Variants in CELF2 observed in about 807,000 individuals in gnomAD.
The protein encoded by CELF2 is CUGBP Elav-like family member 2, also known as CUG triplet repeat RNA-binding protein 2.
A neutral mutation model predicts 62.6 loss-of-function variants in CELF2; 8 were observed. The ratio of observed to expected loss-of-function variants is 0.13; its 90% CI spans 0.07 to 0.23. CELF2 has a LOEUF of 0.23. Among genes scored for constraint, CELF2 ranks in the 10% least tolerant of loss-of-function variants. The pLI is 1.00. For synonymous variants in CELF2, 258 were observed against 250.0 expected, an observed-to-expected ratio of 1.03 and a Z score of -0.30; for missense variants, 333 against 671.0, an observed-to-expected ratio of 0.50 and a Z score of 5.56.
intron 1 of CELF2, among the ~76,000 whole-genome samples, chr10:11,006,172 C>G (rs999844545): frequency 6.6e-6 from 1 of 152,182 alleles, no homozygotes; most frequent in African/African-American, 2.4e-5. Flanking sequence ...GCACTGAATA[C>G]ATCTTTGGGT....
In CELF2 at chr10:11,270,731, C is replaced by G; in HGVS notation, c.684C>G (p.Leu228=). ...DTQKDKEQRR[L]QQQLAQQMQQ... ...AGAAGGACAAAGAGCAAAGGCGCCT[C>G]CAGCAGCAGCTCGCTCAGCAGATGC... The change falls in exon 7 of 13, where the codon CTC becomes CTG. Residue 228 remains leucine, a synonymous_variant. Coordinates refer to ENST00000633077, the MANE Select transcript of CELF2 (RefSeq NM_001326342.2). The surrounding 1 kb of genome is among the most constrained non-coding windows in gnomAD (Gnocchi z 5.8). The G allele has an allele frequency of 6.4e-7, 1 of 1,565,398 alleles. No individual in the cohort carries two copies. Among genetic ancestry groups the G allele is most frequent in the Non-Finnish European group, 8.7e-7 (1 of 1,152,024 alleles).
intron 11 of CELF2, among the ~76,000 whole-genome samples, chr10:11,322,308 C>T (rs1462465351): frequency 1.3e-5 from 2 of 152,116 alleles, no homozygotes; most frequent in Non-Finnish European, 2.9e-5. Context: ...AGTAAGTGAT[C>T]GATTGCCTTG....
intron 1 of CELF2, among the ~76,000 whole-genome samples, chr10:11,136,612 A>C (rs1030703210): frequency 1.3e-5 from 2 of 152,174 alleles, no homozygotes; most frequent in African/African-American, 4.8e-5. Flanking sequence ...CTCAAAAATA[A>C]ATAAATTAAT....
At chr10:10,557,169 C>A in the CELF2 span, among the ~76,000 whole-genome samples, 15 of 135,490 alleles carry the variant, frequency 1.1e-4, no homozygotes, top group South Asian at 2.5e-4. Context: ...GGTTTTAGGT[C>A]TAACGTTTAA....
chr10:10,695,656 G>T, the CELF2 span, among the ~76,000 whole-genome samples: 1 of 152,096 alleles, frequency 6.6e-6, no homozygotes, highest in Non-Finnish European at 1.5e-5. Flanking sequence ...ATCAGACGTA[G>T]ATTTGGTCTT....
chr10:10,631,624 C>A, the CELF2 span, among the ~76,000 whole-genome samples: 1 of 152,130 alleles, frequency 6.6e-6, no homozygotes, highest in African/African-American at 2.4e-5. Context: ...GCTGTTAATT[C>A]CTAAAATGTG....
At chr10:10,525,818 G>T in the CELF2 span, among the ~76,000 whole-genome samples, 1 of 152,122 alleles carries the variant, frequency 6.6e-6, no homozygotes, top group Non-Finnish European at 1.5e-5. Context: ...CATACTGATT[G>T]CATTTTCTTT....
the CELF2 span, among the ~76,000 whole-genome samples, chr10:10,606,215 G>A: frequency 2.6e-5 from 4 of 152,156 alleles, no homozygotes; most frequent in Non-Finnish European, 4.4e-5. Context: ...TGGAATATGT[G>A]CAGCATGAAG....
At chr10:11,109,837 C>A (rs2054647194) in intron 1 of CELF2, among the ~76,000 whole-genome samples, 1 of 152,188 alleles carries the variant, frequency 6.6e-6, no homozygotes, top group African/African-American at 2.4e-5. Flanking sequence ...CTCTCCCCGC[C>A]CCCTGACTTT....
intron 2 of CELF2, among the ~76,000 whole-genome samples, chr10:10,975,090 T>C (rs536173346): frequency 2.0e-5 from 3 of 152,242 alleles, no homozygotes; most frequent in Admixed American, 2.0e-4. Flanking sequence ...ATGCTGTCTC[T>C]CACTTCCTTT....
At chr10:11,257,944 G>A in intron 5 of CELF2, 72 bp downstream of exon 5, 1 of 1,568,818 alleles carries the variant, frequency 6.4e-7, no homozygotes, top group Non-Finnish European at 8.7e-7. Context: ...CGAGACAGAT[G>A]TAGGCACCGC....
At chr10:10,671,730 CT>C in the CELF2 span, among the ~76,000 whole-genome samples, 708 of 142,944 alleles carry the variant, frequency 5.0e-3, no homozygotes, top group Non-Finnish European at 4.9e-3. Flanking sequence ...ATCTGTATGT[CT>C]TTTTTTTTTT....
rs1160459616 is a variant in CELF2 at position 10,878,038 on chromosome 10, C to A, written c.54-41926C>A. On this transcript the variant is annotated intron_variant, in intron 1 of 13. Transcript: ENST00000636488. ...ATAGAAAACAGACCAACGGAGGGGA[C>A]CAGTGGACCTCCCTGCCTCTACCAG... 2.0e-5 allele frequency among the ~76,000 whole-genome samples: 3 copies of A among 152,156 alleles called. No individual in the cohort carries two copies. In the East Asian group the frequency reaches 5.8e-4, roughly 29 times the overall value.
At chr10:10,496,206 G>A in the CELF2 span, among the ~76,000 whole-genome samples, 1 of 152,158 alleles carries the variant, frequency 6.6e-6, no homozygotes, top group Non-Finnish European at 1.5e-5. Context: ...GTACAATCCT[G>A]AACTCTTATA....
At chr10:10,981,613 C>T (rs1044843167) in intron 2 of CELF2, among the ~76,000 whole-genome samples, 1 of 152,198 alleles carries the variant, frequency 6.6e-6, no homozygotes, top group African/African-American at 2.4e-5. Flanking sequence ...GTATTTCCAA[C>T]AGTGTTTGCC....
chr10:10,716,851 T>C, the CELF2 span, among the ~76,000 whole-genome samples: 2 of 152,218 alleles, frequency 1.3e-5, no homozygotes, highest in African/African-American at 2.4e-5. Flanking sequence ...TTTATTTCCA[T>C]GGCCAAAGTT....
chr10:10,922,879 C>A (rs767157), intron 2 of CELF2: 1 of 151,938 alleles, frequency 6.6e-6, no homozygotes, highest in Non-Finnish European at 1.5e-5. Flanking sequence ...TCTCCAGGGG[C>A]AGTTTGAGAC....
At chr10:11,235,799 A>C (rs2071003546) in intron 3 of CELF2, among the ~76,000 whole-genome samples, 1 of 149,222 alleles carries the variant, frequency 6.7e-6, no homozygotes, top group South Asian at 2.3e-4. Context: ...TTTAGGAGAG[A>C]AGTTTTTTTT....
intron 1 of CELF2, among the ~76,000 whole-genome samples, chr10:10,899,882 T>G (rs1456526458): frequency 6.6e-6 from 1 of 152,116 alleles, no homozygotes; most frequent in African/African-American, 2.4e-5. Context: ...TCCAGTCACC[T>G]CCCATCAGGC....
Sources: gnomAD v4.1 joint callset for allele counts (sites outside exome capture counted in the v4.1 genomes callset) on GRCh38, gnomAD v4.1.1 for gene constraint, Gnocchi (gnomAD v3.1) non-coding constraint, MANE v1.5 for transcripts, NCBI Gene and HGNC (gene_info 2026-07-23, HGNC 2026-07-21) for gene names.